The following THSD7B variants were observed in gnomAD, a reference collection of about 807,000 sequenced individuals.
THSD7B encodes the protein thrombospondin type-1 domain-containing protein 7B.
A neutral mutation model predicts 213.6 loss-of-function variants in THSD7B; 138 were observed. That is an observed-to-expected ratio of 0.65 (90% CI 0.56 to 0.74). THSD7B has a LOEUF of 0.74. Among genes scored for constraint, THSD7B ranks in the 30% least tolerant of loss-of-function variants. THSD7B has a pLI of 0.00. For missense variants in THSD7B, 1,931 were observed against 1,991.5 expected, an observed-to-expected ratio of 0.97 and a Z score of 0.58; for synonymous variants, 742 against 687.0, an observed-to-expected ratio of 1.08 and a Z score of -1.25.
intron 11 of THSD7B, among the ~76,000 whole-genome samples, chr2:137,273,025 T>TACACACACACACAC (rs71877881): frequency 7.8e-5 from 11 of 141,062 alleles, no homozygotes; most frequent in African/African-American, 2.9e-4. Flanking sequence ...GGAGAAGGAA[T>TACACACACACACAC]ACACACACAC....
At chr2:137,125,576 G>C (rs2104947753) in intron 5 of THSD7B, among the ~76,000 whole-genome samples, 1 of 152,160 alleles carries the variant, frequency 6.6e-6, no homozygotes, top group South Asian at 2.1e-4. Flanking sequence ...ATACCTCAAA[G>C]TCATTCATGA....
chr2:137,197,901 A>G (rs554195215), intron 7 of THSD7B, among the ~76,000 whole-genome samples: 2 of 152,272 alleles, frequency 1.3e-5, no homozygotes, highest in East Asian at 3.9e-4. Context: ...CTTGAATCCT[A>G]TCTCCATCAA....
chr2:137,337,804 A>C (rs894217500), intron 12 of THSD7B, among the ~76,000 whole-genome samples: 3 of 151,856 alleles, frequency 2.0e-5, no homozygotes, highest in Non-Finnish European at 2.9e-5. Flanking sequence ...ATTGGCCCAG[A>C]CTCATGGTCA....
At chr2:137,197,188 A>G (rs1333075587) in intron 7 of THSD7B, among the ~76,000 whole-genome samples, 1 of 152,218 alleles carries the variant, frequency 6.6e-6, no homozygotes, top group Non-Finnish European at 1.5e-5. Context: ...GGGCATGATT[A>G]AGATAACTGA....
intron 2 of THSD7B, among the ~76,000 whole-genome samples, chr2:137,044,733 T>C (rs769109310): frequency 2.0e-4 from 30 of 152,320 alleles, no homozygotes; most frequent in Admixed American, 6.5e-4. Flanking sequence ...ACTATACTCA[T>C]CTTTCTTCTT....
chr2:137,004,766 A>G (rs561425960), intron 2 of THSD7B, among the ~76,000 whole-genome samples: 1 of 152,158 alleles, frequency 6.6e-6, no homozygotes. Flanking sequence ...TTCCATATGA[A>G]TATTTACTCT....
intron 12 of THSD7B, among the ~76,000 whole-genome samples, chr2:137,333,972 A>G (rs1038866123): frequency 7.9e-5 from 12 of 152,206 alleles, no homozygotes; most frequent in Admixed American, 7.9e-4. Context: ...GGGCCAGAGA[A>G]TAGATATTTT....
At chr2:137,589,391 C>T (rs979607225) in intron 17 of THSD7B, among the ~76,000 whole-genome samples, 43 of 152,220 alleles carry the variant, frequency 2.8e-4, no homozygotes, top group African/African-American at 1.0e-3. Flanking sequence ...TAGTGTCCAA[C>T]CTCCATTTTT....
intron 12 of THSD7B, among the ~76,000 whole-genome samples, chr2:137,360,960 G>T (rs972153607): frequency 6.6e-6 from 1 of 152,124 alleles, no homozygotes; most frequent in Admixed American, 6.6e-5. Flanking sequence ...ACTAGGGGCC[G>T]ACTGATACCT....
intron 12 of THSD7B, among the ~76,000 whole-genome samples, chr2:137,362,698 T>G (rs1685295966): frequency 6.6e-6 from 1 of 152,158 alleles, no homozygotes; most frequent in Admixed American, 6.5e-5. Flanking sequence ...ATCCTAAATA[T>G]ATATGCACCC....
At chr2:136,765,779 C>A (rs1421550656) in intron 1 of THSD7B, 92 bp downstream of exon 1, 1 of 152,246 alleles carries the variant, frequency 6.6e-6, no homozygotes, top group African/African-American at 2.4e-5. Flanking sequence ...GGGAAGGGGG[C>A]GCGCTGCCGG....
chr2:137,002,745 G>A (rs1189084216), intron 2 of THSD7B, among the ~76,000 whole-genome samples: 6 of 151,974 alleles, frequency 3.9e-5, no homozygotes, highest in African/African-American at 1.5e-4. Flanking sequence ...CTATATCACT[G>A]TTTCCTGTTT....
At chr2:137,073,225 A>G (rs931173070) in intron 3 of THSD7B, among the ~76,000 whole-genome samples, 3 of 152,110 alleles carry the variant, frequency 2.0e-5, no homozygotes, top group Non-Finnish European at 2.9e-5. Flanking sequence ...CTGTGAATCC[A>G]TCTGGTCCTG....
chr2:137,059,776 T>C (rs900778118), intron 3 of THSD7B, among the ~76,000 whole-genome samples: 2 of 152,216 alleles, frequency 1.3e-5, no homozygotes, highest in African/African-American at 4.8e-5. Context: ...ATTCACCTAC[T>C]GAAGTACATC....
intron 14 of THSD7B, among the ~76,000 whole-genome samples, chr2:137,438,357 T>C (rs974941542): frequency 5.9e-5 from 9 of 152,184 alleles, no homozygotes; most frequent in African/African-American, 1.9e-4. Context: ...CGTTTAATGC[T>C]CTCATTTGAT....
At chr2:137,152,615 C>G (rs939108475) in intron 5 of THSD7B, among the ~76,000 whole-genome samples, 1 of 152,288 alleles carries the variant, frequency 6.6e-6, no homozygotes, top group African/African-American at 2.4e-5. Flanking sequence ...GCACCTAGAG[C>G]CAAGTGGGTT....
chr2:136,946,655 G>A (rs898591243), intron 2 of THSD7B, among the ~76,000 whole-genome samples: 2 of 152,132 alleles, frequency 1.3e-5, no homozygotes, highest in African/African-American at 4.8e-5. Flanking sequence ...CGAGCTTCCC[G>A]GCTGCTTTGT....
At chr2:136,849,355 A>G (rs549518284) in intron 1 of THSD7B, among the ~76,000 whole-genome samples, 80 of 152,292 alleles carry the variant, frequency 5.3e-4, no homozygotes, top group African/African-American at 1.9e-3. Context: ...GGACTTACTA[A>G]ATAACTTGGG....
chr2:137,177,542 CAT>C (rs770866272), intron 7 of THSD7B, among the ~76,000 whole-genome samples: 1 of 152,254 alleles, frequency 6.6e-6, no homozygotes, highest in South Asian at 2.1e-4. Flanking sequence ...TGTAAAAACA[CAT>C]GTTTCCAGCC....
Sources: gnomAD v4.1 joint callset for allele counts (sites outside exome capture counted in the v4.1 genomes callset) on GRCh38, gnomAD v4.1.1 for gene constraint, MANE v1.5 for transcripts, NCBI Gene and HGNC (gene_info 2026-07-23, HGNC 2026-07-21) for gene names.